The following PLXDC2 variants were observed in gnomAD, a reference collection of about 807,000 sequenced individuals.
The protein encoded by PLXDC2 is plexin domain-containing protein 2.
PLXDC2 carries 40 observed loss-of-function variants against 68.9 expected under a neutral mutation model. That is an observed-to-expected ratio of 0.58 (90% CI 0.45 to 0.76). The LOEUF is 0.76. Ranked by LOEUF, PLXDC2 falls within the 30% of genes least tolerant of loss-of-function variation. The pLI is 0.00. For missense variants in PLXDC2, 644 were observed against 661.9 expected, an observed-to-expected ratio of 0.97 and a Z score of 0.30; for synonymous variants, 243 against 234.2, an observed-to-expected ratio of 1.04 and a Z score of -0.34.
chr10:19,973,323 T>C (rs995501719), intron 1 of PLXDC2, among the ~76,000 whole-genome samples: 1 of 142,568 alleles, frequency 7.0e-6, no homozygotes, highest in East Asian at 2.0e-4. Context: ...CATATATATG[T>C]ATACATATAT....
At chr10:19,974,726 C>T (rs72789639) in intron 1 of PLXDC2, among the ~76,000 whole-genome samples, 7,927 of 152,214 alleles carry the variant, frequency 0.052, 268 homozygotes, top group Middle Eastern at 0.092. Flanking sequence ...GTTTGCTTAC[C>T]ACTATACCCA....
chr10:20,103,217 A>C (rs11011798), intron 4 of PLXDC2, among the ~76,000 whole-genome samples: 8,801 of 152,256 alleles, frequency 0.058, 394 homozygotes, highest in African/African-American at 0.12. Context: ...TCAATAGAAA[A>C]ATATAAATAT....
chr10:19,850,293 T>A (rs1472194928), intron 1 of PLXDC2, among the ~76,000 whole-genome samples: 1 of 149,624 alleles, frequency 6.7e-6, no homozygotes, highest in Non-Finnish European at 1.5e-5. Flanking sequence ...TTTTTTTTTT[T>A]AGATACACAC....
At chr10:19,962,471 C>T (rs905567703) in intron 1 of PLXDC2, among the ~76,000 whole-genome samples, 2 of 143,932 alleles carry the variant, frequency 1.4e-5, no homozygotes, top group Admixed American at 1.4e-4. Flanking sequence ...GCTCACTGCA[C>T]GCTCCGCCTC....
chr10:20,238,668 T>TATATGTGTATATATATATATATACACAC (rs1554777535), intron 12 of PLXDC2, among the ~76,000 whole-genome samples: 1 of 96,758 alleles, frequency 1.0e-5, no homozygotes, highest in Non-Finnish European at 2.0e-5. Context: ...AAAAAATATA[T>TATATGTGTATATATATATATATACACAC]ATATATATGT....
intron 4 of PLXDC2, among the ~76,000 whole-genome samples, chr10:20,076,964 T>C (rs1453682955): frequency 6.6e-6 from 1 of 152,166 alleles, no homozygotes; most frequent in Non-Finnish European, 1.5e-5. Context: ...ATTTCTCTAA[T>C]TGTGACAGCA....
At chr10:20,187,258 A>G (rs1254080250) in intron 9 of PLXDC2, among the ~76,000 whole-genome samples, 1 of 151,836 alleles carries the variant, frequency 6.6e-6, no homozygotes, top group Non-Finnish European at 1.5e-5. Flanking sequence ...TGGCCTCTAG[A>G]TATATCAGAT....
intron 13 of PLXDC2, among the ~76,000 whole-genome samples, chr10:20,277,431 C>T (rs1449496406): frequency 6.6e-6 from 1 of 152,018 alleles, no homozygotes; most frequent in Non-Finnish European, 1.5e-5. Context: ...ATGATCTTCT[C>T]TCCACTTTAA....
chr10:20,206,015 C>G (rs7922905), intron 9 of PLXDC2, among the ~76,000 whole-genome samples: 1 of 151,670 alleles, frequency 6.6e-6, no homozygotes, highest in Non-Finnish European at 1.5e-5. Context: ...ATTGCTTAGA[C>G]GGTAAATGTC....
At chr10:20,239,107 G>C (rs1314660759) in intron 12 of PLXDC2, among the ~76,000 whole-genome samples, 1 of 152,030 alleles carries the variant, frequency 6.6e-6, no homozygotes, top group Non-Finnish European at 1.5e-5. Flanking sequence ...TAATACACAA[G>C]GTAAGGCTTA....
chr10:20,069,604 A>G lies in PLXDC2; in HGVS notation c.541+1365A>G, dbSNP rs1380706978. Among the ~76,000 whole-genome samples the G allele has an allele frequency of 3.3e-5, 5 of 152,172 alleles. No individual in the cohort carries two copies. In the East Asian group the frequency reaches 5.8e-4, roughly 18 times the overall value. On this transcript the variant is annotated intron_variant, in intron 4 of 13. Transcript: ENST00000377252. ...CAGGAGTTTGAGGCTGCACCGAGCT[A>G]TGGTCATGCCATTGCACTATAGCCT...
intron 1 of PLXDC2, among the ~76,000 whole-genome samples, chr10:19,895,742 T>A (rs1476984835): frequency 6.6e-6 from 1 of 152,046 alleles, no homozygotes; most frequent in Non-Finnish European, 1.5e-5. Context: ...CCATGTGAGA[T>A]CATCTTCTGC....
chr10:20,032,060 A>T (rs1835509458), intron 2 of PLXDC2, among the ~76,000 whole-genome samples: 1 of 152,108 alleles, frequency 6.6e-6, no homozygotes, highest in Admixed American at 6.6e-5. Context: ...ACCTCAAGTA[A>T]TCTGCCCACC....
At chr10:19,847,238 G>A (rs1173707869) in intron 1 of PLXDC2, among the ~76,000 whole-genome samples, 1 of 152,148 alleles carries the variant, frequency 6.6e-6, no homozygotes, top group East Asian at 1.9e-4. Flanking sequence ...TTTGTATAAA[G>A]TGTTTGAATG....
chr10:19,831,556 A>G (rs1392691902), intron 1 of PLXDC2, among the ~76,000 whole-genome samples: 1 of 152,082 alleles, frequency 6.6e-6, no homozygotes, highest in Non-Finnish European at 1.5e-5. Context: ...AGTACCCAAT[A>G]GTTATTTTTT....
At chr10:20,013,601 T>G (rs769471553) in intron 2 of PLXDC2, among the ~76,000 whole-genome samples, 1 of 152,218 alleles carries the variant, frequency 6.6e-6, no homozygotes, top group East Asian at 1.9e-4. Context: ...TTACTAGTTC[T>G]GTCATTTAAA....
At chr10:20,210,402 G>A (rs933732011) in intron 9 of PLXDC2, among the ~76,000 whole-genome samples, 6 of 152,056 alleles carry the variant, frequency 3.9e-5, no homozygotes, top group African/African-American at 1.2e-4. Context: ...TAAAAGGAGC[G>A]ACTATGGTAG....
intron 7 of PLXDC2, among the ~76,000 whole-genome samples, chr10:20,176,325 A>G (rs1416757997): frequency 6.6e-6 from 1 of 152,036 alleles, no homozygotes; most frequent in African/African-American, 2.4e-5. Context: ...GATTTGATAT[A>G]TTTATACATG....
At chr10:20,061,806 A>G (rs1836109609) in intron 3 of PLXDC2, among the ~76,000 whole-genome samples, 1 of 152,248 alleles carries the variant, frequency 6.6e-6, no homozygotes, top group Non-Finnish European at 1.5e-5. Context: ...GCCTAGAAAC[A>G]TGTCTAATTG....
Sources: allele counts gnomAD v4.1 joint callset (sites outside exome capture counted in the v4.1 genomes callset), GRCh38; gene constraint gnomAD v4.1.1; transcripts MANE v1.5; gene names NCBI Gene and HGNC (gene_info 2026-07-23, HGNC 2026-07-21).